The following ANKFN1 variants were observed in gnomAD, a reference collection of about 807,000 sequenced individuals.
ANKFN1 encodes the protein ankyrin repeat and fibronectin type III domain containing 1.
Under a neutral mutation model 108.7 loss-of-function variants are expected in ANKFN1, and 74 were observed. The ratio of observed to expected loss-of-function variants is 0.68; its 90% confidence interval spans 0.56 to 0.83. ANKFN1 has a LOEUF of 0.83. Among genes scored for constraint, ANKFN1 ranks in the 40% least tolerant of loss-of-function variants. The probability of loss-of-function intolerance (pLI) is 0.00; values close to 1 mark genes in which losing one functional copy is unlikely to be tolerated. For missense variants in ANKFN1, 1,505 were observed against 1,382.3 expected, an observed-to-expected ratio of 1.09 and a Z score of -1.41; for synonymous variants, 547 against 516.2, an observed-to-expected ratio of 1.06 and a Z score of -0.81.
intron 1 of ANKFN1, among the ~76,000 whole-genome samples, chr17:56,154,402 T>C (rs1374637817): frequency 1.3e-5 from 2 of 152,116 alleles, no homozygotes; most frequent in African/African-American, 4.8e-5. Flanking sequence ...TTAAGACCTT[T>C]GAAAAAACCA....
intron 3 of ANKFN1, among the ~76,000 whole-genome samples, chr17:56,256,179 G>A (rs887234367): frequency 3.9e-5 from 6 of 152,278 alleles, no homozygotes; most frequent in Non-Finnish European, 5.9e-5. Context: ...AGCTGTGAAG[G>A]AGTTAGGAAA....
rs1049043613 is a variant in ANKFN1 at position 56,212,603 on chromosome 17, A to G, written c.-65A>G. 6.6e-6 allele frequency among the ~76,000 whole-genome samples: 1 copy of G among 152,190 alleles called. No individual in the cohort carries two copies. On this transcript the variant is annotated 5_prime_UTR_variant, in exon 2 of 21. Coordinates refer to ENST00000682825, the MANE Select transcript of ANKFN1 (RefSeq NM_001370326.1). ...CTTTCTCTCTTTTGGAATAGTGCCA[A>G]TAGGATAAGAAATAAGCTGTATGAA...
At chr17:56,257,312 A>G (rs1012641249) in intron 3 of ANKFN1, among the ~76,000 whole-genome samples, 2 of 152,214 alleles carry the variant, frequency 1.3e-5, no homozygotes, top group Non-Finnish European at 2.9e-5. Context: ...GGAGCCCATA[A>G]GCATCTATAG....
At chr17:56,058,213 G>T (rs1904913983) in intron 4 of ANKFN1, among the ~76,000 whole-genome samples, 2 of 152,220 alleles carry the variant, frequency 1.3e-5, no homozygotes, top group African/African-American at 4.8e-5. Flanking sequence ...AAGCTTTGAA[G>T]CCAAGCATTG....
chr17:56,348,819 G>T (rs908038325), intron 4 of ANKFN1, among the ~76,000 whole-genome samples: 3 of 151,958 alleles, frequency 2.0e-5, no homozygotes, highest in African/African-American at 7.3e-5. Context: ...AATGATTGTG[G>T]AAGACAGTAT....
At chr17:56,232,490 G>T (rs1192826449) in intron 3 of ANKFN1, among the ~76,000 whole-genome samples, 2 of 152,086 alleles carry the variant, frequency 1.3e-5, no homozygotes, top group African/African-American at 2.4e-5. Flanking sequence ...ACTTGGTTTT[G>T]AATATGATGC....
intron 20 of ANKFN1, among the ~76,000 whole-genome samples, chr17:56,509,849 G>T (rs1249149422): frequency 6.6e-6 from 1 of 152,214 alleles, no homozygotes; most frequent in Admixed American, 6.5e-5. Flanking sequence ...ATATTCCGAT[G>T]ATAATCACGT....
intron 6 of ANKFN1, among the ~76,000 whole-genome samples, chr17:56,367,084 A>G (rs2046683358): frequency 6.6e-6 from 1 of 152,220 alleles, no homozygotes; most frequent in African/African-American, 2.4e-5. Context: ...ATCATTGAAA[A>G]ACAGGAACAT....
At chr17:56,189,314 G>A (rs1264426052) in intron 1 of ANKFN1, among the ~76,000 whole-genome samples, 2 of 147,582 alleles carry the variant, frequency 1.4e-5, no homozygotes, top group East Asian at 4.0e-4. Flanking sequence ...GGGACTACAG[G>A]CGCCCGCCAC....
At chr17:56,167,270 T>TAC (rs1555603941) in intron 1 of ANKFN1, among the ~76,000 whole-genome samples, 3 of 36,464 alleles carry the variant, frequency 8.2e-5, no homozygotes, top group African/African-American at 2.5e-4. Flanking sequence ...TGTATATATA[T>TAC]ATACATATAT....
intron 3 of ANKFN1, among the ~76,000 whole-genome samples, chr17:56,296,481 T>G (rs1276844636): frequency 6.6e-6 from 1 of 152,090 alleles, no homozygotes; most frequent in Non-Finnish European, 1.5e-5. Context: ...GTCAGGAGTT[T>G]GAGACCAGCC....
In ANKFN1 at chr17:56,466,522, C is replaced by T. The variant is rs1490876572; in HGVS notation, c.1724C>T (p.Ser575Leu). 1.9e-6 allele frequency: 3 copies of T among 1,613,894 alleles called. No individual in the cohort carries two copies. Among genetic ancestry groups the T allele is most frequent in the Non-Finnish European group, 2.5e-6 (3 of 1,179,902 alleles). The change falls in exon 15 of 21, where the codon TCA (serine) becomes TTA (leucine). Residue 575 changes from serine to leucine, a missense_variant. By Grantham distance (145) the Ser-to-Leu change is moderately radical (BLOSUM62 -2). Transcript: ENST00000682825. The stretch of plus-strand genomic sequence containing the variant: ...CTGCAAAGCCAGAGAAAGTCTCTAT[C>T]AACACCTGAGGAGCCAACAGCTTTA... Reference protein sequence around the residue: ...SKLQSQRKSLSTPEEPTALDI... With the variant: ...SKLQSQRKSLLTPEEPTALDI...
In ANKFN1 at chr17:56,173,791, A is replaced by G. The variant is rs1910888285; in HGVS notation, c.-71+20261A>G. ...TTTTGTCCTTTTAACTTACTACTGT[A>G]CTGTCTCTCCAACTCCTAGAACAGT... On this transcript the variant is annotated intron_variant, in intron 1 of 20. Coordinates refer to ENST00000682825, the MANE Select transcript of ANKFN1 (RefSeq NM_001370326.1). Among the ~76,000 whole-genome samples, 3 of 152,170 alleles carry G rather than the reference A, an allele frequency of 2.0e-5. No homozygotes were observed. In the South Asian group the frequency reaches 6.2e-4, roughly 31 times the overall value.
chr17:56,360,212 C>T (rs1002875801), intron 6 of ANKFN1, among the ~76,000 whole-genome samples: 28 of 152,164 alleles, frequency 1.8e-4, no homozygotes, highest in Admixed American at 3.3e-4. Context: ...ACTGTGCACT[C>T]CTCACCCACA....
At chr17:56,275,379 T>C (rs2043901044) in intron 3 of ANKFN1, among the ~76,000 whole-genome samples, 1 of 151,888 alleles carries the variant, frequency 6.6e-6, no homozygotes, top group Non-Finnish European at 1.5e-5. Flanking sequence ...AAAATTTAGA[T>C]TAAAATAGAG....
At position 56,270,589 on chromosome 17, in the gene ANKFN1, C is replaced by T. The variant is rs148611109; in HGVS notation, c.53+42632C>T. On this transcript the variant is annotated intron_variant, in intron 3 of 20. Transcript: ENST00000682825. The stretch of plus-strand genomic sequence containing the variant: ...CATCCCAGACATAAATCAGAGCATG[C>T]CCTCCCCTGGCTTATGGCTTCCTGG... 2.5e-3 allele frequency among the ~76,000 whole-genome samples: 383 copies of T among 152,286 alleles called. 4 individuals are homozygous for T. The highest frequency in any genetic ancestry group is 8.7e-3 in the African/African-American group (362 of 41,546).
intron 8 of ANKFN1, among the ~76,000 whole-genome samples, chr17:56,381,085 C>A (rs1306450647): frequency 6.6e-6 from 1 of 152,158 alleles, no homozygotes; most frequent in Admixed American, 6.5e-5. Context: ...TCCTCTGAGA[C>A]AAAACTTCCA....
intron 8 of ANKFN1, among the ~76,000 whole-genome samples, chr17:56,399,581 G>A (rs1407918408): frequency 6.6e-6 from 1 of 151,586 alleles, no homozygotes; most frequent in African/African-American, 2.4e-5. Flanking sequence ...CCCATCACCC[G>A]AGCAGTATAC....
intron 5 of ANKFN1, among the ~76,000 whole-genome samples, chr17:56,353,312 T>G (rs2046293449): frequency 6.6e-6 from 1 of 151,804 alleles, no homozygotes; most frequent in South Asian, 2.1e-4. Context: ...CTCAGCTGAC[T>G]GCAACCTCTG....
Sources: gnomAD v4.1 joint callset for allele counts (sites outside exome capture counted in the v4.1 genomes callset) on GRCh38, gnomAD v4.1.1 for gene constraint, MANE v1.5 for transcripts, NCBI Gene and HGNC (gene_info 2026-07-23, HGNC 2026-07-21) for gene names.